Variants in WDR19 observed in about 807,000 individuals in gnomAD.
WDR19 encodes WD repeat domain 19, also known as WD repeat-containing protein 19.
A neutral mutation model predicts 180.0 loss-of-function variants in WDR19; 121 were observed. The ratio of observed to expected loss-of-function variants is 0.67; its 90% CI spans 0.58 to 0.78. WDR19 has a LOEUF of 0.78. Ranked by LOEUF, WDR19 falls within the 30% of genes least tolerant of loss-of-function variation. The pLI is 0.00. For missense variants in WDR19, 1,450 were observed against 1,640.7 expected, an observed-to-expected ratio of 0.88 and a Z score of 2.01; for synonymous variants, 497 against 540.7, an observed-to-expected ratio of 0.92 and a Z score of 1.12.
intron 15 of WDR19, among the ~76,000 whole-genome samples, chr4:39,227,037 G>A (rs544467580): frequency 6.6e-6 from 1 of 152,150 alleles, no homozygotes; most frequent in Non-Finnish European, 1.5e-5. Context: ...TCATTTCAAT[G>A]TGTAATTGAA....
chr4:39,280,248 C>T (rs1578068053), intron 36 of WDR19, among the ~76,000 whole-genome samples: 2 of 151,616 alleles, frequency 1.3e-5, no homozygotes, highest in South Asian at 4.2e-4. Flanking sequence ...AGGCATGAGC[C>T]ACCATGCTCA....
intron 28 of WDR19, among the ~76,000 whole-genome samples, chr4:39,264,941 A>T (rs1442449960): frequency 2.1e-5 from 3 of 145,178 alleles, no homozygotes; most frequent in African/African-American, 7.7e-5. Context: ...TTTTTGAGAC[A>T]AAGTCTCACG....
At chr4:39,270,559 G>A (rs1367645443) in intron 31 of WDR19, among the ~76,000 whole-genome samples, 4 of 151,906 alleles carry the variant, frequency 2.6e-5, no homozygotes, top group African/African-American at 9.7e-5. Flanking sequence ...TGTATTTTTA[G>A]TAGATATGGG....
intron 4 of WDR19, among the ~76,000 whole-genome samples, chr4:39,192,514 G>A (rs766234919): frequency 5.3e-5 from 8 of 152,130 alleles, no homozygotes; most frequent in Non-Finnish European, 8.8e-5. Flanking sequence ...CTTTTGCCCA[G>A]GCTGGAGTGC....
At chr4:39,280,141 T>TTTTTTTTG (rs368949539) in intron 36 of WDR19, among the ~76,000 whole-genome samples, 1 of 88,354 alleles carries the variant, frequency 1.1e-5, no homozygotes, top group Non-Finnish European at 2.2e-5. Flanking sequence ...TTTTTTTTTT[T>TTTTTTTTG]AATAGAGGCA....
At chr4:39,186,869 G>A (rs551083957) in intron 3 of WDR19, among the ~76,000 whole-genome samples, 20 of 152,236 alleles carry the variant, frequency 1.3e-4, no homozygotes, top group African/African-American at 3.6e-4. Flanking sequence ...GAGTCCACAC[G>A]AAACAATTCT....
At chr4:39,183,411 A>G (rs1334019619) in intron 1 of WDR19, among the ~76,000 whole-genome samples, 1 of 151,668 alleles carries the variant, frequency 6.6e-6, no homozygotes, top group Admixed American at 6.6e-5. Context: ...CACCACACCC[A>G]GCTAATTTTT....
At chr4:39,237,803 G>A (rs974511349) in intron 20 of WDR19, 1 of 152,242 alleles carries the variant, frequency 6.6e-6, no homozygotes, top group African/African-American at 2.4e-5. Context: ...GGATGACTGA[G>A]TCTTAGAATA....
At chr4:39,285,349 T>TCTAA (rs559267347) in intron 36 of WDR19, 138 bp from the exon 37 acceptor site, 1 of 152,228 alleles carries the variant, frequency 6.6e-6, no homozygotes, top group Non-Finnish European at 1.5e-5. Flanking sequence ...TCTAGAGATT[T>TCTAA]CTAACTTGAA....
intron 5 of WDR19, among the ~76,000 whole-genome samples, chr4:39,197,607 C>G (rs927854810): frequency 6.6e-5 from 10 of 152,008 alleles, no homozygotes; most frequent in Admixed American, 2.0e-4. Flanking sequence ...ATTTATCTAT[C>G]CCAAGACCTT....
chr4:39,237,849 C>G (rs1357303392), intron 20 of WDR19: 3 of 152,184 alleles, frequency 2.0e-5, no homozygotes. Flanking sequence ...GATGATCCAC[C>G]AAGTCCTGTC....
chr4:39,255,824 T>C, intron 26 of WDR19, 24 bp from the exon 27 acceptor site: 2 of 1,420,542 alleles, frequency 1.4e-6, no homozygotes, highest in Non-Finnish European at 1.9e-6. Context: ...CTCAGATATT[T>C]TACTCAGTAA....
At chr4:39,255,046 A>G (rs771950880) in intron 26 of WDR19, among the ~76,000 whole-genome samples, 1 of 152,228 alleles carries the variant, frequency 6.6e-6, no homozygotes, top group Non-Finnish European at 1.5e-5. Flanking sequence ...TTGCAAAGTT[A>G]TTAAGATAAT....
At position 39,268,048 on chromosome 4, in the gene WDR19, T is replaced by C; in HGVS notation, c.3315T>C (p.Ala1105=). The change falls in exon 30 of 37, where the codon GCT becomes GCC. Residue 1105 remains alanine, a synonymous_variant. Coordinates refer to ENST00000399820, the MANE Select transcript of WDR19 (RefSeq NM_025132.4). ...LYMALKQYRE[A]AQTAIIIARE... ...TGGCTCTGAAGCAATACCGAGAAGC[T>C]GCCCAGACTGCCATCATCATTGCCA... The C allele has an allele frequency of 6.2e-7, 1 of 1,602,798 alleles. No individual in the cohort carries two copies. The highest frequency in any genetic ancestry group is 1.7e-5 in the Admixed American group (1 of 58,698).
rs761793151 is a variant in WDR19 at position 39,277,107 on chromosome 4, T to C, written c.3804T>C (p.Pro1268=). ...TCCCAGAGTGTGAACTCCTCTGTCCTGGATGTAAAAACAGTATCCCATATT... is the reference window on the plus strand; with the variant it reads ...TCCCAGAGTGTGAACTCCTCTGTCCCGGATGTAAAAACAGTATCCCATATT... The part of the protein sequence containing the change: ...FLLPECELLC[P]GCKNSIPYCI... The change falls in exon 34 of 37, where the codon CCT becomes CCC. Residue 1268 remains proline (P), a synonymous_variant. Coordinates refer to ENST00000399820, the MANE Select transcript of WDR19 (RefSeq NM_025132.4). The C allele has an allele frequency of 9.3e-6, 15 of 1,613,252 alleles. No individual in the cohort carries two copies. The highest frequency in any genetic ancestry group is 1.6e-4 in the Middle Eastern group (1 of 6,084).
At chr4:39,205,048 G>A (rs1727802132) in intron 7 of WDR19, 106 bp from the exon 8 acceptor site, 1 of 711,950 alleles carries the variant, frequency 1.4e-6, no homozygotes, top group Non-Finnish European at 2.3e-6. Context: ...CATCTAAATT[G>A]GGCTTATTAT....
chr4:39,265,770 CA>C (rs11326526), intron 28 of WDR19, among the ~76,000 whole-genome samples: 35,307 of 81,346 alleles, frequency 0.43, 4,285 homozygotes, highest in East Asian at 0.53. Flanking sequence ...GACTCTGTCT[CA>C]AAAAAAAAAA....
intron 24 of WDR19, among the ~76,000 whole-genome samples, chr4:39,247,756 G>GA (rs1302071465): frequency 6.6e-6 from 1 of 152,170 alleles, no homozygotes; most frequent in African/African-American, 2.4e-5. Context: ...GGGTATCAGC[G>GA]ATGGAAGACG....
At chr4:39,240,144 T>C (rs1297590437) in intron 20 of WDR19, 133 bp from the exon 21 acceptor site, 32 of 334,804 alleles carry the variant, frequency 9.6e-5, no homozygotes, top group African/African-American at 2.0e-4. Flanking sequence ...GCCACTGCAC[T>C]CCGGCCTGGG....
Sources: gnomAD v4.1 joint callset for allele counts (sites outside exome capture counted in the v4.1 genomes callset) on GRCh38, gnomAD v4.1.1 for gene constraint, MANE v1.5 for transcripts, NCBI Gene and HGNC (gene_info 2026-07-23, HGNC 2026-07-21) for gene names.